Variants in ADGB observed in about 807,000 individuals in gnomAD.
ADGB encodes calpain-7-like protein.
In ADGB, 172 loss-of-function variants were observed where a neutral mutation model predicts 210.5. The ratio of observed to expected loss-of-function variants is 0.82; its 90% CI spans 0.72 to 0.93. The LOEUF (loss-of-function observed/expected upper bound fraction) is 0.93. ADGB is among the 40% of genes least tolerant of loss of function. ADGB has a pLI of 0.00. For missense variants in ADGB, 2,025 were observed against 1,964.8 expected (o/e 1.03, Z -0.58); for synonymous variants, 658 against 662.7 (o/e 0.99, Z 0.11).
In ADGB at chr6:146,736,560, A is replaced by T; in HGVS notation, c.2857A>T (p.Asn953Tyr). ...AAAAGTTTGGGCTGTATTGGAAATGAATTTAGAACAGTATGCAGTTTCTCT... is the reference window on the plus strand; with the variant it reads ...AAAAGTTTGGGCTGTATTGGAAATGTATTTAGAACAGTATGCAGTTTCTCT... ...LQKVWAVLEM[N>Y]LEQYAVSLLR... is the part of the protein sequence containing the mutation. The change falls in exon 23 of 36, where the codon AAT (asparagine) becomes TAT (tyrosine). Residue 953 changes from asparagine (N) to tyrosine (Y), a missense_variant. By Grantham distance (143) the Asn-to-Tyr change is moderately radical. Transcript: ENST00000397944. 1 of 1,549,522 alleles carries T rather than the reference A, an allele frequency of 6.5e-7. No individual in the cohort carries two copies. The highest frequency in any genetic ancestry group is 8.7e-7 in the Non-Finnish European group (1 of 1,145,772).
chr6:146,770,527 T>A (rs1173050979), intron 29 of ADGB: 2 of 464,130 alleles, frequency 4.3e-6, no homozygotes, highest in Admixed American at 4.7e-5. Flanking sequence ...CTCGGTCTCA[T>A]CATTGCATCT....
chr6:146,663,858 T>C (rs1264056655), intron 5 of ADGB, among the ~76,000 whole-genome samples: 1 of 152,132 alleles, frequency 6.6e-6, no homozygotes, highest in African/African-American at 2.4e-5. Flanking sequence ...TTTGATTATG[T>C]CCAAGCTTAT....
At chr6:146,751,407 T>C (rs1291164836) in intron 26 of ADGB, among the ~76,000 whole-genome samples, 2 of 152,116 alleles carry the variant, frequency 1.3e-5, no homozygotes, top group African/African-American at 2.4e-5. Flanking sequence ...TAATTCCATG[T>C]CTTTGCTGTT....
intron 26 of ADGB, among the ~76,000 whole-genome samples, chr6:146,749,001 A>C (rs1777282581): frequency 6.6e-6 from 1 of 152,188 alleles, no homozygotes; most frequent in Non-Finnish European, 1.5e-5. Context: ...ATTGTGAAGC[A>C]CTGGGGGTTA....
chr6:146,674,145 T>G (rs1035663907), intron 8 of ADGB, among the ~76,000 whole-genome samples: 17 of 152,128 alleles, frequency 1.1e-4, no homozygotes, highest in Non-Finnish European at 2.2e-4. Flanking sequence ...AATTACAATT[T>G]GTGATATGGA....
intron 9 of ADGB, among the ~76,000 whole-genome samples, chr6:146,677,914 G>A (rs1461401395): frequency 6.6e-6 from 1 of 152,276 alleles, no homozygotes; most frequent in East Asian, 1.9e-4. Flanking sequence ...GCACTTGTTG[G>A]TAGAGCTACA....
chr6:146,730,257 C>T (rs1057501359), intron 20 of ADGB, among the ~76,000 whole-genome samples: 5 of 152,092 alleles, frequency 3.3e-5, no homozygotes, highest in African/African-American at 1.2e-4. Context: ...ACCTAGATGA[C>T]CTGTTCACAA....
In ADGB at chr6:146,784,547, T is replaced by C. The variant is rs878889711; in HGVS notation, c.4036-71T>C. On this transcript the variant is annotated intron_variant, in intron 30 of 35. Coordinates refer to ENST00000397944, the MANE Select transcript of ADGB (RefSeq NM_024694.4). ...AAATACCTAATAGTGAAATTATGTA[T>C]CATATGGTAAAATCTAGACCCTTTT... The C allele has an allele frequency of 2.5e-6, 3 of 1,191,658 alleles. No individual in the cohort carries two copies. In the South Asian group the frequency reaches 6.0e-5, roughly 24 times the overall value. The allele number at this position is 1,191,658 out of a possible 1,614,324, so 73.8% of individuals were successfully genotyped here. A position where few individuals can be genotyped will look rare whatever the true frequency, so the allele number is the denominator to read the frequency against.
chr6:146,700,316 G>A (rs1214290032), intron 12 of ADGB, among the ~76,000 whole-genome samples: 3 of 152,298 alleles, frequency 2.0e-5, no homozygotes, highest in South Asian at 4.1e-4. Context: ...AATCAGAGAC[G>A]TTTAGTTACA....
At chr6:146,685,897 A>T in intron 10 of ADGB, 69 bp downstream of exon 10, 1 of 923,098 alleles carries the variant, frequency 1.1e-6, no homozygotes, top group Non-Finnish European at 1.6e-6. Context: ...GTGTGTGATT[A>T]CTTGCTGTGG....
intron 13 of ADGB, among the ~76,000 whole-genome samples, chr6:146,701,844 G>T (rs541166232): frequency 6.6e-6 from 1 of 152,078 alleles, no homozygotes; most frequent in East Asian, 1.9e-4. Flanking sequence ...AGTATCTGTA[G>T]ATGGGGAGAT....
At chr6:146,602,672 G>A (rs927067219) in intron 1 of ADGB, among the ~76,000 whole-genome samples, 10 of 152,136 alleles carry the variant, frequency 6.6e-5, no homozygotes, top group Non-Finnish European at 1.2e-4. Context: ...GTCCCCACCC[G>A]CTGGGGCTGC....
intron 1 of ADGB, among the ~76,000 whole-genome samples, chr6:146,602,119 A>G (rs1780565074): frequency 6.6e-6 from 1 of 152,122 alleles, no homozygotes; most frequent in Non-Finnish European, 1.5e-5. Context: ...TATTTTATCT[A>G]TTTCCTAGTT....
intron 12 of ADGB, among the ~76,000 whole-genome samples, chr6:146,695,364 T>C (rs528620048): frequency 1.6e-4 from 24 of 152,162 alleles, no homozygotes; most frequent in Non-Finnish European, 2.9e-4. Flanking sequence ...TATATACTTA[T>C]AATAAAGACA....
At chr6:146,706,850 T>G (rs1025394227) in intron 13 of ADGB, among the ~76,000 whole-genome samples, 37 of 150,412 alleles carry the variant, frequency 2.5e-4, no homozygotes, top group African/African-American at 9.0e-4. Context: ...TTAGTGTTTT[T>G]TTTTTTTTTT....
intron 18 of ADGB, chr6:146,724,586 G>C (rs2114575582): frequency 3.9e-6 from 1 of 255,226 alleles, no homozygotes; most frequent in Non-Finnish European, 7.3e-6. Flanking sequence ...AATACTGCTT[G>C]AGCTTGTTTA....
At chr6:146,764,931 C>T (rs1777550040) in intron 28 of ADGB, among the ~76,000 whole-genome samples, 1 of 152,046 alleles carries the variant, frequency 6.6e-6, no homozygotes, top group South Asian at 2.1e-4. Flanking sequence ...TCCTGAGTAA[C>T]TGGGATTTCA....
chr6:146,732,594 C>A (rs971148754), intron 20 of ADGB, among the ~76,000 whole-genome samples: 2 of 151,224 alleles, frequency 1.3e-5, no homozygotes, highest in African/African-American at 4.9e-5. Context: ...AAAAAAATCT[C>A]CATTTTATAC....
intron 9 of ADGB, among the ~76,000 whole-genome samples, chr6:146,677,488 G>C (rs1776101071): frequency 6.6e-6 from 1 of 151,986 alleles, no homozygotes; most frequent in Non-Finnish European, 1.5e-5. Context: ...GATGTGGATA[G>C]AAAAAAGTCA....
Sources: allele counts gnomAD v4.1 joint callset (sites outside exome capture counted in the v4.1 genomes callset), GRCh38; gene constraint gnomAD v4.1.1; transcripts MANE v1.5; gene names NCBI Gene and HGNC (gene_info 2026-07-23, HGNC 2026-07-21).